SNX29: variants seen among roughly 807,000 people sequenced by gnomAD.
SNX29 encodes the protein sorting nexin 29, also known as sorting nexin-29.
In SNX29, 78 loss-of-function variants were observed where a neutral mutation model predicts 102.1. The ratio of observed to expected loss-of-function variants is 0.76; its 90% CI spans 0.64 to 0.92. SNX29 has a LOEUF of 0.92. Ranked by LOEUF, SNX29 falls within the 40% of genes least tolerant of loss-of-function variation. The pLI is 0.00. For synonymous variants in SNX29, 580 were observed against 414.5 expected (o/e 1.40, Z -4.85); for missense variants, 1,280 against 1,061.7 (o/e 1.21, Z -2.86).
At chr16:12,564,153 C>T (rs917609752) in intron 20 of SNX29, among the ~76,000 whole-genome samples, 1 of 152,096 alleles carries the variant, frequency 6.6e-6, no homozygotes, top group Admixed American at 6.6e-5. Flanking sequence ...CTTGGGAGGC[C>T]TGAGGTAGAG....
At chr16:12,043,305 A>G (rs1596674935) in intron 5 of SNX29, among the ~76,000 whole-genome samples, 1 of 151,234 alleles carries the variant, frequency 6.6e-6, no homozygotes, top group Non-Finnish European at 1.5e-5. Flanking sequence ...GCCAGCTTGG[A>G]TGTGGAGAGA....
intron 16 of SNX29, among the ~76,000 whole-genome samples, chr16:12,397,875 A>G (rs976381136): frequency 6.6e-6 from 1 of 152,148 alleles, no homozygotes. Context: ...ACCCCTAAGC[A>G]GTACTGGTGG....
At chr16:12,000,764 A>G (rs1490631034) in intron 2 of SNX29, among the ~76,000 whole-genome samples, 1 of 152,162 alleles carries the variant, frequency 6.6e-6, no homozygotes, top group African/African-American at 2.4e-5. Flanking sequence ...TATGGTAGGA[A>G]GGTCACAGGC....
chr16:12,059,666 C>G (rs1391618891), intron 8 of SNX29, among the ~76,000 whole-genome samples: 6 of 152,210 alleles, frequency 3.9e-5, no homozygotes, highest in African/African-American at 1.2e-4. Context: ...CGCCCCCAAG[C>G]AGTGAACAGT....
chr16:12,150,759 A>G (rs1442907050), intron 13 of SNX29, among the ~76,000 whole-genome samples: 1 of 152,254 alleles, frequency 6.6e-6, no homozygotes, highest in Non-Finnish European at 1.5e-5. Context: ...CAGCAAGGTC[A>G]CAGCCTGTGG....
At chr16:12,537,148 A>T (rs1459849716) in intron 20 of SNX29, among the ~76,000 whole-genome samples, 1 of 151,822 alleles carries the variant, frequency 6.6e-6, no homozygotes, top group Non-Finnish European at 1.5e-5. Flanking sequence ...AGAGGCTGGG[A>T]CTCTGGGATC....
chr16:12,522,027 G>T (rs2090120232), intron 19 of SNX29, among the ~76,000 whole-genome samples: 1 of 152,098 alleles, frequency 6.6e-6, no homozygotes, highest in South Asian at 2.1e-4. Context: ...CTTTGGAGAA[G>T]AAGACTTTGT....
At chr16:12,406,977 G>T (rs766326213) in intron 18 of SNX29, among the ~76,000 whole-genome samples, 1 of 152,242 alleles carries the variant, frequency 6.6e-6, no homozygotes, top group Non-Finnish European at 1.5e-5. Flanking sequence ...TGAGCAGCCA[G>T]ACGTGGCTGA....
At chr16:12,471,396 A>G (rs1405642467) in intron 18 of SNX29, among the ~76,000 whole-genome samples, 1 of 152,224 alleles carries the variant, frequency 6.6e-6, no homozygotes, top group Non-Finnish European at 1.5e-5. Flanking sequence ...AGCCTCTAGC[A>G]CTATCTTCAT....
Position 12,055,998 on chromosome 16 carries a change from C to G in SNX29, c.1124+3776C>G, listed in dbSNP as rs564653143. 4.6e-5 allele frequency among the ~76,000 whole-genome samples: 7 copies of G among 152,280 alleles called. No homozygotes were observed. In the South Asian group the frequency reaches 1.0e-3, roughly 23 times the overall value. ...CCAGGTTTAAGCGATTCTCCTGCCTCAGCCTCCAGAGTAGGTGGGACTACA... is the reference window on the plus strand; with the variant it reads ...CCAGGTTTAAGCGATTCTCCTGCCTGAGCCTCCAGAGTAGGTGGGACTACA... On this transcript the variant is annotated intron_variant, in intron 8 of 20. Transcript: ENST00000566228.
At chr16:12,412,474 C>G (rs1459497191) in intron 18 of SNX29, among the ~76,000 whole-genome samples, 4 of 152,238 alleles carry the variant, frequency 2.6e-5, no homozygotes, top group Non-Finnish European at 5.9e-5. Context: ...CCGTGGGCAG[C>G]TGATACTGGT....
intron 15 of SNX29, among the ~76,000 whole-genome samples, chr16:12,348,055 G>A (rs959191942): frequency 1.3e-5 from 2 of 152,052 alleles, no homozygotes; most frequent in African/African-American, 4.8e-5. Context: ...TCCAGCCTGG[G>A]CAACAGAATA....
chr16:12,546,819 A>C (rs1333587990), intron 20 of SNX29: 4 of 152,240 alleles, frequency 2.6e-5, no homozygotes, highest in African/African-American at 4.8e-5. Flanking sequence ...TGCTTTCAAA[A>C]TATATGAAAA....
intron 11 of SNX29, among the ~76,000 whole-genome samples, chr16:12,111,510 G>C (rs2053500614): frequency 6.6e-6 from 1 of 152,170 alleles, no homozygotes; most frequent in African/African-American, 2.4e-5. Context: ...CCACTTAGCA[G>C]ACTTCCCTTT....
chr16:12,111,975 C>T (rs2053519111), intron 11 of SNX29, among the ~76,000 whole-genome samples: 1 of 152,160 alleles, frequency 6.6e-6, no homozygotes, highest in African/African-American at 2.4e-5. Context: ...AGGGCGTCCG[C>T]AGACACACCC....
At chr16:12,547,124 C>G (rs570497880) in intron 20 of SNX29, among the ~76,000 whole-genome samples, 6 of 150,096 alleles carry the variant, frequency 4.0e-5, no homozygotes, top group Non-Finnish European at 8.8e-5. Context: ...GAAATGACAT[C>G]ACAGTCATCA....
intron 18 of SNX29, among the ~76,000 whole-genome samples, chr16:12,431,178 G>T (rs907534393): frequency 1.3e-5 from 2 of 152,070 alleles, no homozygotes; most frequent in African/African-American, 4.8e-5. Context: ...GTGGAGTTGG[G>T]AGTGAGTGGG....
chr16:12,352,707 G>T (rs1468282551), intron 15 of SNX29, among the ~76,000 whole-genome samples: 1 of 152,156 alleles, frequency 6.6e-6, no homozygotes, highest in Non-Finnish European at 1.5e-5. Flanking sequence ...TGGTGTCCTT[G>T]GGCCTTTTGG....
intron 20 of SNX29, chr16:12,546,584 C>T (rs1003494136): frequency 2.0e-5 from 3 of 152,198 alleles, no homozygotes; most frequent in Admixed American, 6.5e-5. Context: ...GCTGTGTCCC[C>T]ACCCAAGGAT....
Sources: allele counts gnomAD v4.1 joint callset (sites outside exome capture counted in the v4.1 genomes callset), GRCh38; gene constraint gnomAD v4.1.1; transcripts MANE v1.5; gene names NCBI Gene and HGNC (gene_info 2026-07-23, HGNC 2026-07-21).